CLCA2: variants seen among roughly 807,000 people sequenced by gnomAD.
The protein encoded by CLCA2 is calcium-activated chloride channel regulator 2.
Under a neutral mutation model 82.9 loss-of-function variants are expected in CLCA2, and 85 were observed. The ratio of observed to expected loss-of-function variants is 1.03; its 90% CI spans 0.86 to 1.23. CLCA2 has a LOEUF of 1.23. Ranked by LOEUF, CLCA2 falls within the 50% of genes most tolerant of loss-of-function variation. The pLI, the probability that CLCA2 is intolerant of heterozygous loss-of-function variation, is 0.00. For synonymous variants in CLCA2, 421 were observed against 391.7 expected (o/e 1.07, Z -0.88); for missense variants, 1,089 against 1,124.8 (o/e 0.97, Z 0.45).
At chr1:86,448,391 G>A (rs993579684) in intron 11 of CLCA2, 3 of 152,636 alleles carry the variant, frequency 2.0e-5, no homozygotes, top group African/African-American at 7.2e-5. Flanking sequence ...AATCAGAATA[G>A]AGAAAAGTTC....
At chr1:86,431,432 A>G (rs887656038) in intron 4 of CLCA2, among the ~76,000 whole-genome samples, 1 of 152,166 alleles carries the variant, frequency 6.6e-6, no homozygotes, top group Non-Finnish European at 1.5e-5. Context: ...GTTGTTTCCC[A>G]TCTTTTGTAT....
chr1:86,449,329 A>T (rs368512542), intron 11 of CLCA2, among the ~76,000 whole-genome samples: 3 of 152,214 alleles, frequency 2.0e-5, no homozygotes, highest in Non-Finnish European at 4.4e-5. Flanking sequence ...CCTCATAGCT[A>T]CTAAGTGACA....
Position 86,449,942 on chromosome 1 carries a change from C to T in CLCA2, c.1985-621C>T, listed in dbSNP as rs145733084. The stretch of plus-strand genomic sequence containing the variant: ...TCACTGGCTAACCTTTCAGAATGCC[C>T]CCTGAAGCAAGGCACAGTAGATGCT... On this transcript the variant is annotated intron_variant, in intron 11 of 13. Coordinates refer to ENST00000370565, the MANE Select transcript of CLCA2 (RefSeq NM_006536.7). 4.0e-3 allele frequency among the ~76,000 whole-genome samples: 616 copies of T among 152,204 alleles called. 2 individuals carry two copies. The highest frequency in any genetic ancestry group is 5.6e-3 in the Non-Finnish European group (382 of 68,014).
At chr1:86,438,753 C>T in intron 6 of CLCA2, 123 bp from the exon 7 acceptor site, 1 of 791,512 alleles carries the variant, frequency 1.3e-6, no homozygotes, top group Non-Finnish European at 2.0e-6. Flanking sequence ...CTTTAAAGCT[C>T]AAAAAATTAT....
intron 12 of CLCA2, 50 bp from the exon 13 acceptor site, chr1:86,453,319 A>G (rs368911442): frequency 2.1e-6 from 3 of 1,433,056 alleles, no homozygotes; most frequent in Non-Finnish European, 2.9e-6. Context: ...CAAGCTATTC[A>G]GAAGCTTTGT....
intron 9 of CLCA2, among the ~76,000 whole-genome samples, chr1:86,442,050 A>C (rs1662747669): frequency 1.3e-5 from 2 of 151,808 alleles, no homozygotes. Context: ...AGTCCTTTTC[A>C]TAGGGCCACT....
At chr1:86,444,371 G>A (rs970521553) in intron 10 of CLCA2, among the ~76,000 whole-genome samples, 1 of 152,146 alleles carries the variant, frequency 6.6e-6, no homozygotes, top group African/African-American at 2.4e-5. Context: ...TACATGCAAT[G>A]CATGTGGTTT....
chr1:86,442,525 T>C (rs1305428368), intron 9 of CLCA2, among the ~76,000 whole-genome samples: 1 of 152,206 alleles, frequency 6.6e-6, no homozygotes, highest in Non-Finnish European at 1.5e-5. Flanking sequence ...GGGAACTACA[T>C]GTAAATCTTC....
At chr1:86,441,651 T>C (rs1408552369) in intron 9 of CLCA2, 108 bp downstream of exon 9, 9 of 698,444 alleles carry the variant, frequency 1.3e-5, no homozygotes, top group Non-Finnish European at 2.0e-5. Context: ...TACTTGAATA[T>C]GTAACAGCTG....
Position 86,430,908 on chromosome 1 carries a change from C to A in CLCA2, c.522C>A (p.Phe174Leu). The change falls in exon 4 of 14, where the codon TTC (phenylalanine) becomes TTA (leucine). Residue 174 changes from phenylalanine (F) to leucine (L), a missense_variant. Coordinates refer to ENST00000370565, the MANE Select transcript of CLCA2 (RefSeq NM_006536.7). ...HEWAHLRWGV[F>L]DEYNNDKPFY... ...GGGCCCACCTCCGTTGGGGTGTGTT[C>A]GATGAGTATAACAATGACAAACCTT... is the stretch of plus-strand genomic sequence containing the variant. 6.2e-7 allele frequency: 1 copy of A among 1,613,494 alleles called. No individual in the cohort carries two copies. The highest frequency in any genetic ancestry group is 8.5e-7 in the Non-Finnish European group (1 of 1,179,774).
At chr1:86,434,262 G>T (rs1002918090) in intron 5 of CLCA2, among the ~76,000 whole-genome samples, 4 of 152,022 alleles carry the variant, frequency 2.6e-5, no homozygotes, top group African/African-American at 9.7e-5. Context: ...CACATACATG[G>T]TTTGTTATCT....
At chr1:86,442,811 C>T (rs957265183) in intron 9 of CLCA2, among the ~76,000 whole-genome samples, 9 of 152,282 alleles carry the variant, frequency 5.9e-5, no homozygotes, top group South Asian at 4.1e-4. Flanking sequence ...GGTTTTATCA[C>T]GGTTCCATTC....
At chr1:86,427,673 T>C (rs962981929) in intron 2 of CLCA2, among the ~76,000 whole-genome samples, 1 of 152,136 alleles carries the variant, frequency 6.6e-6, no homozygotes, top group African/African-American at 2.4e-5. Context: ...CTTAACAGCA[T>C]ATTTAACTTT....
chr1:86,431,180 C>T (rs918106804), intron 4 of CLCA2, among the ~76,000 whole-genome samples: 2 of 152,134 alleles, frequency 1.3e-5, no homozygotes, highest in Admixed American at 6.5e-5. Flanking sequence ...AATATCAAAA[C>T]AATATAAAAA....
intron 11 of CLCA2, among the ~76,000 whole-genome samples, chr1:86,449,290 T>C (rs896597193): frequency 6.6e-6 from 1 of 152,232 alleles, no homozygotes; most frequent in African/African-American, 2.4e-5. Context: ...ATTTTATAGA[T>C]GAGAAAACTG....
In CLCA2 at chr1:86,456,115, G is replaced by T. The variant is rs1371768658; in HGVS notation, c.*588G>T. On this transcript the variant is annotated 3_prime_UTR_variant, in exon 14 of 14. Coordinates refer to ENST00000370565, the MANE Select transcript of CLCA2 (RefSeq NM_006536.7). ...CTTTAACAATATGGGTATTACCTTT[G>T]TCTCTTCATACCGGTTTTATGACAA... is the stretch of plus-strand genomic sequence containing the variant. 6.6e-6 allele frequency: 1 copy of T among 151,862 alleles called. No homozygotes were observed. The highest frequency in any genetic ancestry group is 2.4e-5 in the African/African-American group (1 of 41,334). 9.4% of individuals were successfully genotyped at this position (151,862 alleles called of 1,614,324 possible).
At chr1:86,453,672 T>C in intron 13 of CLCA2, 70 bp downstream of exon 13, 5 of 1,314,830 alleles carry the variant, frequency 3.8e-6, no homozygotes, top group Admixed American at 1.9e-5. Context: ...CAGGGGCTAG[T>C]AGAACTGAAA....
At chr1:86,441,359 T>C in intron 8 of CLCA2, 78 bp from the exon 9 acceptor site, 2 of 847,186 alleles carry the variant, frequency 2.4e-6, no homozygotes, top group Non-Finnish European at 1.8e-6. Flanking sequence ...AAAGAAAGCT[T>C]GTTGGAAAAG....
intron 8 of CLCA2, among the ~76,000 whole-genome samples, chr1:86,440,629 G>A (rs1035141953): frequency 2.0e-5 from 3 of 152,128 alleles, no homozygotes; most frequent in Admixed American, 6.5e-5. Flanking sequence ...GGGCGGGCGC[G>A]GTGGCTCACA....
Sources: allele counts gnomAD v4.1 joint callset (sites outside exome capture counted in the v4.1 genomes callset), GRCh38; gene constraint gnomAD v4.1.1; transcripts MANE v1.5; gene names NCBI Gene and HGNC (gene_info 2026-07-23, HGNC 2026-07-21).